Variants in FBXL20 observed in about 807,000 individuals in gnomAD.
FBXL20 encodes F-box/LRR-repeat protein 20.
FBXL20 carries 11 observed loss-of-function variants against 64.0 expected under a neutral mutation model. The ratio of observed to expected loss-of-function variants is 0.17; its 90% CI spans 0.11 to 0.28. The LOEUF (loss-of-function observed/expected upper bound fraction) is 0.28, where lower values mean the gene tolerates loss of function less well. FBXL20 is among the 10% of genes least tolerant of loss of function. The pLI is 1.00. For missense variants in FBXL20, 303 were observed against 526.2 expected (o/e 0.58, Z 4.15); for synonymous variants, 184 against 189.0 (o/e 0.97, Z 0.22).
At chr17:39,392,593 T>G (rs183169284) in intron 1 of FBXL20, among the ~76,000 whole-genome samples, 1 of 152,340 alleles carries the variant, frequency 6.6e-6, no homozygotes, top group East Asian at 1.9e-4. Context: ...TACCCTAATC[T>G]AAAACTTTTA....
intron 1 of FBXL20, among the ~76,000 whole-genome samples, chr17:39,381,434 C>T (rs550905277): frequency 2.1e-5 from 3 of 144,302 alleles, no homozygotes; most frequent in East Asian, 4.1e-4. Context: ...GAGACAAGAT[C>T]GTGCCACTGC....
chr17:39,321,792 A>C (rs1245459303), intron 2 of FBXL20, among the ~76,000 whole-genome samples: 31 of 151,914 alleles, frequency 2.0e-4, no homozygotes, highest in Non-Finnish European at 3.7e-4. Context: ...AAAAAAAAAA[A>C]AAAAACAAAA....
At chr17:39,329,603 A>C (rs546852446) in intron 2 of FBXL20, among the ~76,000 whole-genome samples, 1 of 152,130 alleles carries the variant, frequency 6.6e-6, no homozygotes, top group East Asian at 1.9e-4. Context: ...TCTTAGATAT[A>C]TATGTATATA....
chr17:39,282,975 A>T (rs1439246463), intron 7 of FBXL20, 120 bp from the exon 8 acceptor site: 1 of 1,153,558 alleles, frequency 8.7e-7, no homozygotes, highest in Non-Finnish European at 1.3e-6. Flanking sequence ...TCCCACAAGA[A>T]AAAACATATT....
In FBXL20 at chr17:39,281,410, A is replaced by G; in HGVS notation, c.675T>C (p.Thr225=). The G allele has an allele frequency of 3.1e-6, 5 of 1,614,032 alleles. No homozygotes were observed. Among genetic ancestry groups the G allele is most frequent in the Non-Finnish European group, 4.2e-6 (5 of 1,179,954 alleles). Residue 225 remains threonine, a synonymous_variant, in exon 9 of 15, where the codon ACT becomes ACC. Coordinates refer to ENST00000264658, the MANE Select transcript of FBXL20 (RefSeq NM_032875.3). ...YIGAHCPELV[T]LNLQTCLQIT... ...TTACCAAGCAAGTCTGCAAGTTCAA[A>G]GTCACCAGTTCAGGGCAGTGTGCAC...
chr17:39,312,441 G>A (rs188230876), intron 2 of FBXL20, among the ~76,000 whole-genome samples: 130 of 148,714 alleles, frequency 8.7e-4, no homozygotes, highest in African/African-American at 3.0e-3. Context: ...TAAGAACTTA[G>A]TCTTTACAGT....
At chr17:39,401,225 G>A (rs2048239345) in intron 1 of FBXL20, 136 bp downstream of exon 1, 8 of 1,533,574 alleles carry the variant, frequency 5.2e-6, no homozygotes, top group Admixed American at 1.9e-5. Flanking sequence ...CAAGAAAGGG[G>A]AGCGGAGTCT....
At chr17:39,262,232 T>A (rs924206438) in intron 14 of FBXL20, among the ~76,000 whole-genome samples, 2 of 152,024 alleles carry the variant, frequency 1.3e-5, no homozygotes, top group African/African-American at 4.8e-5. Context: ...AAGATGAAGT[T>A]TGGTACTCTT....
intron 9 of FBXL20, among the ~76,000 whole-genome samples, chr17:39,277,979 T>C (rs998074600): frequency 2.6e-5 from 4 of 152,072 alleles, no homozygotes; most frequent in African/African-American, 7.2e-5. Flanking sequence ...TAAGATAGAA[T>C]TGGTTCTTTA....
At chr17:39,380,417 C>A (rs1346020325) in intron 1 of FBXL20, among the ~76,000 whole-genome samples, 1 of 152,212 alleles carries the variant, frequency 6.6e-6, no homozygotes, top group East Asian at 1.9e-4. Flanking sequence ...TAACCTACCA[C>A]TGTTCTTAGA....
chr17:39,312,307 G>A (rs1020846681), intron 2 of FBXL20, among the ~76,000 whole-genome samples: 2 of 151,582 alleles, frequency 1.3e-5, no homozygotes, highest in South Asian at 2.1e-4. Context: ...CACAGCTATC[G>A]GGAGGCTGAG....
chr17:39,395,317 G>A (rs914862040), intron 1 of FBXL20, among the ~76,000 whole-genome samples: 15 of 152,270 alleles, frequency 9.9e-5, no homozygotes, highest in African/African-American at 3.4e-4. Context: ...CCAGCTACTC[G>A]GGAGGATGAG....
At chr17:39,347,203 C>A (rs185167771) in intron 1 of FBXL20, among the ~76,000 whole-genome samples, 34 of 152,274 alleles carry the variant, frequency 2.2e-4, no homozygotes, top group African/African-American at 7.7e-4. Flanking sequence ...TGGGTATATA[C>A]CCAGTAATGG....
chr17:39,284,233 T>C (rs574576620), intron 7 of FBXL20, among the ~76,000 whole-genome samples: 90 of 152,346 alleles, frequency 5.9e-4, no homozygotes, highest in Admixed American at 1.1e-3. Context: ...AGATCATTTA[T>C]GTGAAAATAT....
chr17:39,359,211 C>A (rs969610224), intron 1 of FBXL20, among the ~76,000 whole-genome samples: 1 of 152,068 alleles, frequency 6.6e-6, no homozygotes, highest in Non-Finnish European at 1.5e-5. Context: ...GCACTTGTAC[C>A]TGTAGTCCCA....
At chr17:39,328,777 GCA>G (rs1567882062) in intron 2 of FBXL20, among the ~76,000 whole-genome samples, 1 of 152,316 alleles carries the variant, frequency 6.6e-6, no homozygotes, top group Non-Finnish European at 1.5e-5. Context: ...TCATGGCTAG[GCA>G]CAGTTGCTCA....
In FBXL20 at chr17:39,333,754, G is replaced by A. The variant is rs1342674745; in HGVS notation, c.104+9426C>T. On this transcript the variant is annotated intron_variant, in intron 2 of 14. Transcript: ENST00000264658. ...GGGATGTGGGGAGCGCCTCTGCCCC[G>A]CCGCCCCGTCTGAGATGTGAAGAGT... 4.6e-5 allele frequency among the ~76,000 whole-genome samples: 7 copies of A among 151,704 alleles called. No homozygotes were observed. The East Asian group carries it at 9.8e-4, about 21-fold the overall frequency.
intron 2 of FBXL20, among the ~76,000 whole-genome samples, chr17:39,335,693 T>C (rs1826314465): frequency 6.6e-6 from 1 of 152,062 alleles, no homozygotes; most frequent in Non-Finnish European, 1.5e-5. Flanking sequence ...CTTTTTCAAG[T>C]GGTACCGCTA....
rs758056165 is a variant in FBXL20, at chr17:39,264,407, G to A, written c.991-20C>T. ...CAGACTCTGCAGCCAAATAGAGCAA[G>A]GAAGGATGTTGAAATATCTTCTGGC... is the stretch of plus-strand genomic sequence containing the variant. On this transcript the variant is annotated intron_variant, in intron 13 of 14. Transcript: ENST00000264658. 1 of 1,606,100 alleles carries A rather than the reference G, an allele frequency of 6.2e-7. No individual in the cohort carries two copies. The highest frequency in any genetic ancestry group is 1.1e-5 in the South Asian group (1 of 90,906).
Sources: allele counts gnomAD v4.1 joint callset (sites outside exome capture counted in the v4.1 genomes callset), GRCh38; gene constraint gnomAD v4.1.1; transcripts MANE v1.5; gene names NCBI Gene and HGNC (gene_info 2026-07-23, HGNC 2026-07-21).